KIF19: variants seen among roughly 807,000 people sequenced by gnomAD.
KIF19 encodes the protein kinesin family member 19.
A neutral mutation model predicts 106.6 loss-of-function variants in KIF19; 98 were observed. The observed-to-expected ratio is 0.92, with a 90% confidence interval of 0.78 to 1.09. The LOEUF (loss-of-function observed/expected upper bound fraction) is 1.09. Ranked by LOEUF, KIF19 falls within the 50% of genes least tolerant of loss-of-function variation. KIF19 has a pLI of 0.00. For synonymous variants in KIF19, 516 were observed against 584.2 expected, an observed-to-expected ratio of 0.88 and a Z score of 1.68; for missense variants, 1,373 against 1,414.3, an observed-to-expected ratio of 0.97 and a Z score of 0.47.
At chr17:74,333,059 C>T (rs938656430) in intron 2 of KIF19, among the ~76,000 whole-genome samples, 8 of 152,228 alleles carry the variant, frequency 5.3e-5, no homozygotes, top group Admixed American at 2.0e-4. Flanking sequence ...TGTCAGCTGC[C>T]CGAGCCCAGA....
chr17:74,338,456 C>G (rs1422374973), intron 2 of KIF19, among the ~76,000 whole-genome samples: 7 of 151,968 alleles, frequency 4.6e-5, no homozygotes, highest in Admixed American at 2.6e-4. Context: ...ACAAAGCCCC[C>G]GGTCCATCCT....
chr17:74,342,241 G>A (rs916571121), intron 3 of KIF19, among the ~76,000 whole-genome samples: 6 of 152,196 alleles, frequency 3.9e-5, no homozygotes, highest in Admixed American at 3.3e-4. Context: ...GGCTCCTACT[G>A]AGCTGGAAAA....
rs771403100 is a variant in KIF19 at position 74,354,302 on chromosome 17, G to A, written c.2449G>A (p.Glu817Lys). The A allele has an allele frequency of 2.7e-5, 43 of 1,608,396 alleles. 1 individual carries two copies. The highest frequency in any genetic ancestry group is 1.5e-4 in the South Asian group (14 of 90,902). The part of the protein sequence containing the change: ...RSSLSLHSLS[E>K]GDDARPPGPL... ...CAGCCTGTCCCTGCACTCACTGAGCGAGGGCGACGATGCGCGGCCACCAGG... is the reference window on the plus strand; with the variant it reads ...CAGCCTGTCCCTGCACTCACTGAGCAAGGGCGACGATGCGCGGCCACCAGG... The change falls in exon 18 of 20, where the codon GAG (glutamate) becomes AAG (lysine). Residue 817 changes from glutamate (E) to lysine (K), a missense_variant. This residue lies in a region of KIF19 where 1,020 missense variants were observed against 1,008.2 expected (regional missense o/e 1.01). Transcript: ENST00000389916.
intron 2 of KIF19, among the ~76,000 whole-genome samples, chr17:74,333,156 G>A (rs1008279684): frequency 6.6e-6 from 1 of 152,176 alleles, no homozygotes; most frequent in Non-Finnish European, 1.5e-5. Context: ...CCATCTGGAC[G>A]CTTCTTGGCC....
chr17:74,347,307 C>G (rs1567913343), intron 8 of KIF19, among the ~76,000 whole-genome samples: 2 of 152,136 alleles, frequency 1.3e-5, no homozygotes, highest in East Asian at 3.9e-4. Context: ...GAGGCCGAGG[C>G]AGGTGGATCA....
In KIF19 at chr17:74,326,339, C is replaced by T. The variant is rs545829601; in HGVS notation, c.-11C>T. On this transcript the variant is annotated 5_prime_UTR_variant, in exon 1 of 20. Coordinates refer to ENST00000389916, the MANE Select transcript of KIF19 (RefSeq NM_153209.4). ...GGTGGCGCGGCCTGAGCCCCTCCAC[C>T]TGCTGCAATCATGAAGGACAGCGGG... The T allele has an allele frequency of 3.2e-5, 51 of 1,611,118 alleles. No homozygotes were observed. The highest frequency in any genetic ancestry group is 4.2e-5 in the Non-Finnish European group (50 of 1,178,988).
rs62063601 is a variant in KIF19 at position 74,355,713 on chromosome 17, C to T, written c.*401C>T. On this transcript the variant is annotated 3_prime_UTR_variant, in exon 20 of 20. Coordinates refer to ENST00000389916, the MANE Select transcript of KIF19 (RefSeq NM_153209.4). ...TGGGGAGGCGCCGACAGGCACTTCA[C>T]GTATTACAATTGGGGATGTGGGTGA... The T allele has an allele frequency of 0.24, 40,460 of 165,348 alleles. 5,645 individuals are homozygous for T. The highest frequency in any genetic ancestry group is 0.39 in the Middle Eastern group (150 of 382). 10.2% of individuals were successfully genotyped at this position (165,348 alleles called of 1,614,324 possible).
Position 74,353,183 on chromosome 17 carries a change from C to A in KIF19, c.2115-13C>A. On this transcript the variant is annotated splice_polypyrimidine_tract_variant and intron_variant, in intron 15 of 19. Transcript: ENST00000389916. ...CTGGTCTACAGCCACTCATCTTCCT[C>A]TGCCAACTTCAGTGAAGGCCACCAC... The A allele has an allele frequency of 1.9e-6, 3 of 1,572,196 alleles. No individual in the cohort carries two copies. Among genetic ancestry groups the A allele is most frequent in the East Asian group, 2.3e-5 (1 of 42,610 alleles).
chr17:74,327,438 T>A (rs2053944442), intron 1 of KIF19, among the ~76,000 whole-genome samples: 1 of 152,236 alleles, frequency 6.6e-6, no homozygotes, highest in Non-Finnish European at 1.5e-5. Context: ...AGGTGACCCG[T>A]CAGGTAGTGT....
rs773897389 is a variant in KIF19, at chr17:74,355,349, G to A, written c.*37G>A. On this transcript the variant is annotated 3_prime_UTR_variant, in exon 20 of 20. Coordinates refer to ENST00000389916, the MANE Select transcript of KIF19 (RefSeq NM_153209.4). ...TGGAACTGGCTCTCTCACCTCCCAA[G>A]ACTGAATGGGGTCTAGCAGGGCATG... is the stretch of plus-strand genomic sequence containing the variant. 8 of 1,565,524 alleles carry A rather than the reference G, an allele frequency of 5.1e-6. No homozygotes were observed. In the East Asian group the frequency reaches 1.6e-4, roughly 31 times the overall value.
intron 2 of KIF19, among the ~76,000 whole-genome samples, chr17:74,338,740 G>T (rs1157858058): frequency 6.6e-6 from 1 of 151,848 alleles, no homozygotes; most frequent in African/African-American, 2.4e-5. Flanking sequence ...GAGCCCCAGG[G>T]CTGTCATCCT....
chr17:74,342,758 C>G, intron 4 of KIF19, 41 bp downstream of exon 4: 2 of 1,546,520 alleles, frequency 1.3e-6, no homozygotes, highest in Non-Finnish European at 1.8e-6. Context: ...ACCGCAATGC[C>G]CCTGTAATCC....
chr17:74,327,365 C>T (rs1038574561), intron 1 of KIF19, among the ~76,000 whole-genome samples: 4 of 152,160 alleles, frequency 2.6e-5, no homozygotes, highest in Admixed American at 6.5e-5. Flanking sequence ...TTGTGTGCCC[C>T]GGGGAGCAGG....
intron 2 of KIF19, among the ~76,000 whole-genome samples, chr17:74,329,634 G>A (rs539186464): frequency 6.6e-6 from 1 of 152,030 alleles, no homozygotes; most frequent in East Asian, 1.9e-4. Flanking sequence ...AGGCCAGAGT[G>A]GCTCAAGCAG....
At chr17:74,328,261 C>A (rs1020514389) in intron 1 of KIF19, among the ~76,000 whole-genome samples, 164 bp from the exon 2 acceptor site, 9 of 152,192 alleles carry the variant, frequency 5.9e-5, no homozygotes, top group African/African-American at 2.2e-4. Flanking sequence ...CACAGTCCAA[C>A]ACTCTGTGGA....
Position 74,349,244 on chromosome 17 carries a change from G to C in KIF19, c.1108G>C (p.Asp370His). 6.2e-7 allele frequency: 1 copy of C among 1,613,720 alleles called. No homozygotes were observed. The highest frequency in any genetic ancestry group is 8.5e-7 in the Non-Finnish European group (1 of 1,179,862). ...CGCCCAGTACACCAGCATCATCGCT[G>C]ACCTGCGGGGCGAGATCCAGCGACT... ...HIAQYTSIIA[D>H]LRGEIQRLKR... is the part of the protein sequence containing the mutation. The change falls in exon 10 of 20, where the codon GAC (aspartate) becomes CAC (histidine). Residue 370 changes from aspartate to histidine, a missense_variant. By Grantham distance (81) the Asp-to-His change is moderately conservative. This residue lies in a region of KIF19 where 1,020 missense variants were observed against 1,008.2 expected (regional missense o/e 1.01). Coordinates refer to ENST00000389916, the MANE Select transcript of KIF19 (RefSeq NM_153209.4).
chr17:74,333,292 T>C (rs1373721003), intron 2 of KIF19, among the ~76,000 whole-genome samples: 2 of 151,832 alleles, frequency 1.3e-5, no homozygotes, highest in African/African-American at 4.8e-5. Flanking sequence ...GCCACTAAAG[T>C]ACTATCCATC....
Position 74,350,459 on chromosome 17 carries a change from G to A in KIF19, c.1272G>A (p.Glu424=). The A allele has an allele frequency of 6.2e-7, 1 of 1,610,158 alleles. No homozygotes were observed. The highest frequency in any genetic ancestry group is 8.5e-7 in the Non-Finnish European group (1 of 1,179,036). The part of the protein sequence containing the change: ...GEKAGMGQLR[E]QLASAFQEQM... ...AGGCTGGCATGGGACAGCTTCGGGA[G>A]CAGCTCGCCAGCGCCTTCCAGGAGC... is the stretch of plus-strand genomic sequence containing the variant. The change falls in exon 11 of 20, where the codon GAG becomes GAA. Residue 424 remains glutamate, a synonymous_variant. Coordinates refer to ENST00000389916, the MANE Select transcript of KIF19 (RefSeq NM_153209.4).
intron 2 of KIF19, among the ~76,000 whole-genome samples, chr17:74,340,515 T>C (rs73995240): frequency 0.057 from 8,530 of 149,848 alleles, 533 homozygotes; most frequent in African/African-American, 0.16. Context: ...GCCAGGACCC[T>C]TCTGTGTCTC....
Sources: gnomAD v4.1 joint callset for allele counts (sites outside exome capture counted in the v4.1 genomes callset) on GRCh38, gnomAD v4.1.1 for gene constraint, gnomAD v4.1.1 regional missense constraint, MANE v1.5 for transcripts, NCBI Gene and HGNC (gene_info 2026-07-23, HGNC 2026-07-21) for gene names.